The following YARS1 variants were observed in gnomAD, a reference collection of about 807,000 sequenced individuals.
The protein encoded by YARS1 is tyrosine--tRNA ligase, cytoplasmic.
In YARS1, 36 loss-of-function variants were observed where a neutral mutation model predicts 62.2. The ratio of observed to expected loss-of-function variants is 0.58; its 90% CI spans 0.44 to 0.76. The LOEUF (loss-of-function observed/expected upper bound fraction) is 0.76, where lower values mean the gene tolerates loss of function less well. Ranked by LOEUF, YARS1 falls within the 30% of genes least tolerant of loss-of-function variation. The pLI is 0.00. For missense variants in YARS1, 524 were observed against 639.8 expected (o/e 0.82, Z 1.95); for synonymous variants, 234 against 244.9 (o/e 0.96, Z 0.42).
At chr1:32,779,850 G>A in intron 11 of YARS1, 1 of 623,096 alleles carries the variant, frequency 1.6e-6, no homozygotes, top group East Asian at 2.8e-5. Flanking sequence ...TAAGACTTGG[G>A]TATGTACTGG....
At chr1:32,787,202 T>C (rs1163217848) in intron 6 of YARS1, 127 bp from the exon 7 acceptor site, 2 of 1,120,334 alleles carry the variant, frequency 1.8e-6, no homozygotes, top group East Asian at 5.4e-5. Flanking sequence ...CAATCATGGC[T>C]CACTGCAGCC....
chr1:32,779,108 TCTC>T (rs1652970370), intron 12 of YARS1, among the ~76,000 whole-genome samples: 1 of 152,108 alleles, frequency 6.6e-6, no homozygotes, highest in Non-Finnish European at 1.5e-5. Context: ...ATGGGGATAA[TCTC>T]CTATTACAGA....
chr1:32,803,608 C>T (rs887526429), intron 4 of YARS1, among the ~76,000 whole-genome samples: 7 of 151,884 alleles, frequency 4.6e-5, no homozygotes, highest in East Asian at 1.9e-4. Flanking sequence ...CATCTTCTTC[C>T]GAAAAAAGGC....
intron 6 of YARS1, among the ~76,000 whole-genome samples, chr1:32,788,374 A>C (rs1653306019): frequency 6.6e-6 from 1 of 152,086 alleles, no homozygotes; most frequent in South Asian, 2.1e-4. Context: ...CCTCAGCCTC[A>C]AGAGGAGTTA....
intron 1 of YARS1, among the ~76,000 whole-genome samples, chr1:32,813,974 T>C (rs1457284280): frequency 6.6e-6 from 1 of 152,214 alleles, no homozygotes; most frequent in Non-Finnish European, 1.5e-5. Context: ...TAGCAATCTT[T>C]GGGGCTCTGG....
At chr1:32,787,719 T>A (rs563073930) in intron 6 of YARS1, among the ~76,000 whole-genome samples, 10 of 152,098 alleles carry the variant, frequency 6.6e-5, no homozygotes, top group Admixed American at 3.9e-4. Context: ...TTCACCGTGG[T>A]AGCCAGGATG....
At chr1:32,814,538 C>T (rs1282281824) in intron 1 of YARS1, among the ~76,000 whole-genome samples, 2 of 152,076 alleles carry the variant, frequency 1.3e-5, no homozygotes, top group African/African-American at 4.8e-5. Context: ...TACAGGTGCC[C>T]GCCACCAGGC....
intron 12 of YARS1, among the ~76,000 whole-genome samples, chr1:32,777,941 T>A (rs967814448): frequency 6.6e-6 from 1 of 152,178 alleles, no homozygotes; most frequent in African/African-American, 2.4e-5. Context: ...TTTTTTCTCC[T>A]ATATTTTAGA....
At chr1:32,803,931 T>C (rs1435217981) in intron 4 of YARS1, among the ~76,000 whole-genome samples, 3 of 151,936 alleles carry the variant, frequency 2.0e-5, no homozygotes, top group African/African-American at 4.8e-5. Flanking sequence ...GATTAGGGAG[T>C]GGTGATGACT....
intron 4 of YARS1, among the ~76,000 whole-genome samples, chr1:32,802,211 T>C (rs898213592): frequency 6.6e-6 from 1 of 152,168 alleles, no homozygotes; most frequent in Non-Finnish European, 1.5e-5. Context: ...CCTCCCAAAG[T>C]GCTGGGATGA....
At chr1:32,788,336 G>A (rs138455232) in intron 6 of YARS1, among the ~76,000 whole-genome samples, 26 of 152,152 alleles carry the variant, frequency 1.7e-4, no homozygotes, top group African/African-American at 5.8e-4. Context: ...CTGTAACCTC[G>A]AACTCCTGCC....
intron 5 of YARS1, 34 bp downstream of exon 5, chr1:32,797,729 G>A (rs369126868): frequency 2.4e-5 from 38 of 1,569,808 alleles, no homozygotes; most frequent in Non-Finnish European, 3.2e-5. Flanking sequence ...CCTCTGAGGT[G>A]CAAGTGAAAA....
intron 4 of YARS1, among the ~76,000 whole-genome samples, chr1:32,803,713 T>G (rs1241042423): frequency 2.6e-5 from 4 of 152,078 alleles, no homozygotes; most frequent in African/African-American, 7.2e-5. Context: ...AACTTCTACA[T>G]CAGGGCTTGC....
intron 5 of YARS1, among the ~76,000 whole-genome samples, chr1:32,793,768 C>T (rs906819365): frequency 2.6e-5 from 4 of 152,144 alleles, no homozygotes; most frequent in African/African-American, 7.2e-5. Flanking sequence ...ACTTTTCAGT[C>T]GAAACTATGG....
chr1:32,796,843 T>C (rs956010818), intron 5 of YARS1, among the ~76,000 whole-genome samples: 6 of 148,908 alleles, frequency 4.0e-5, no homozygotes, highest in Non-Finnish European at 8.9e-5. Context: ...CAGGCACCTG[T>C]AATCCCAGCT....
chr1:32,797,722 C>T, intron 5 of YARS1, 41 bp downstream of exon 5: 1 of 1,538,952 alleles, frequency 6.5e-7, no homozygotes, highest in Non-Finnish European at 9.0e-7. Context: ...CTGCATACCT[C>T]TGAGGTGCAA....
intron 4 of YARS1, chr1:32,798,197 A>C: frequency 3.5e-6 from 1 of 286,214 alleles, no homozygotes. Flanking sequence ...TTTCTTCTAT[A>C]TGGGTCTGAG....
At chr1:32,794,019 G>C (rs545696723) in intron 5 of YARS1, among the ~76,000 whole-genome samples, 69 of 152,158 alleles carry the variant, frequency 4.5e-4, no homozygotes, top group Non-Finnish European at 8.7e-4. Context: ...TATCAGAAAG[G>C]GGAAGTAGGG....
At chr1:32,787,295 A>G (rs1192263982) in intron 6 of YARS1, among the ~76,000 whole-genome samples, 1 of 151,808 alleles carries the variant, frequency 6.6e-6, no homozygotes, top group Non-Finnish European at 1.5e-5. Context: ...ATGCCCAGGT[A>G]ATTCTATTTT....
Sources: gnomAD v4.1 joint callset for allele counts (sites outside exome capture counted in the v4.1 genomes callset) on GRCh38, gnomAD v4.1.1 for gene constraint, MANE v1.5 for transcripts, NCBI Gene and HGNC (gene_info 2026-07-23, HGNC 2026-07-21) for gene names.